The following RORA variants were observed in gnomAD, a reference collection of about 807,000 sequenced individuals.
RORA encodes nuclear receptor ROR-alpha.
A neutral mutation model predicts 69.5 loss-of-function variants in RORA; 7 were observed. That is an observed-to-expected ratio of 0.10 (90% CI 0.06 to 0.19). The LOEUF (loss-of-function observed/expected upper bound fraction) is 0.19. Ranked by LOEUF, RORA falls within the 10% of genes least tolerant of loss-of-function variation. The probability of loss-of-function intolerance (pLI) is 1.00; values close to 1 mark genes in which losing one functional copy is unlikely to be tolerated. For missense variants in RORA, 457 were observed against 663.0 expected (o/e 0.69, Z 3.41); for synonymous variants, 261 against 240.8 (o/e 1.08, Z -0.78).
intron 1 of RORA, among the ~76,000 whole-genome samples, chr15:60,823,441 C>T (rs1286266178): frequency 1.3e-5 from 2 of 152,146 alleles, no homozygotes; most frequent in African/African-American, 4.8e-5. Flanking sequence ...ATTTTATATC[C>T]TTTGCCTCCT....
chr15:61,146,356 G>GC (rs895929629), intron 1 of RORA, among the ~76,000 whole-genome samples: 3 of 151,804 alleles, frequency 2.0e-5, no homozygotes, highest in African/African-American at 4.8e-5. Flanking sequence ...TTTCAGAAGT[G>GC]CCCCCCACCA....
chr15:60,582,520 A>AT (rs1173107933), intron 2 of RORA, among the ~76,000 whole-genome samples: 1 of 152,208 alleles, frequency 6.6e-6, no homozygotes, highest in Non-Finnish European at 1.5e-5. Flanking sequence ...ACAATAACCC[A>AT]TATCTTCATC....
At chr15:61,078,835 T>C (rs1335003969) in intron 1 of RORA, among the ~76,000 whole-genome samples, 8 of 152,226 alleles carry the variant, frequency 5.3e-5, no homozygotes, top group African/African-American at 1.7e-4. Context: ...ACCTATCTCA[T>C]GGAATCAGGG....
At chr15:60,777,744 T>TAACC (rs1469619079) in intron 1 of RORA, among the ~76,000 whole-genome samples, 1 of 152,128 alleles carries the variant, frequency 6.6e-6, no homozygotes, top group Non-Finnish European at 1.5e-5. Context: ...TCACCTCTAG[T>TAACC]AACCACTTTG....
At chr15:60,615,779 T>A (rs2140602242) in intron 2 of RORA, among the ~76,000 whole-genome samples, 1 of 152,330 alleles carries the variant, frequency 6.6e-6, no homozygotes, top group South Asian at 2.1e-4. Context: ...AGTCCTTTTG[T>A]TAATGAGCAA....
chr15:60,545,462 G>A (rs1312730118), intron 2 of RORA, among the ~76,000 whole-genome samples: 1 of 152,142 alleles, frequency 6.6e-6, no homozygotes, highest in Non-Finnish European at 1.5e-5. Context: ...CTTGTTCTTG[G>A]AATCAGCTTT....
intron 1 of RORA, among the ~76,000 whole-genome samples, chr15:60,721,021 T>G (rs1351242741): frequency 6.6e-6 from 1 of 152,196 alleles, no homozygotes; most frequent in Non-Finnish European, 1.5e-5. Context: ...CTGTTTTCCC[T>G]GCATCATCCA....
In RORA at chr15:61,119,082, G is replaced by GGC. The variant is rs1555412569; in HGVS notation, c.166+109970_166+109971insGC. On this transcript the variant is annotated intron_variant, in intron 1 of 10. Transcript: ENST00000335670. ...AGTCGGGAAGATGCAGTTAACAGAA[G>GGC]GGGGGGGGGGGCGCCATGGAGCAGT... Among the ~76,000 whole-genome samples the GGC allele has an allele frequency of 5.3e-5, 7 of 130,878 alleles. No individual in the cohort carries two copies. In the East Asian group the frequency reaches 7.5e-4, roughly 14 times the overall value. The allele number at this position is 130,878 out of a possible 152,430, so 85.9% of individuals were successfully genotyped here.
chr15:60,598,716 T>C (rs2140548260), intron 2 of RORA, among the ~76,000 whole-genome samples: 1 of 152,354 alleles, frequency 6.6e-6, no homozygotes, highest in East Asian at 1.9e-4. Flanking sequence ...ATGCAGATTT[T>C]TTACTACAAG....
intron 1 of RORA, among the ~76,000 whole-genome samples, chr15:60,951,538 G>A (rs1264724394): frequency 7.3e-5 from 11 of 150,412 alleles, no homozygotes; most frequent in African/African-American, 9.8e-5. Context: ...TTGATAGACC[G>A]CTAGCAAGAC....
chr15:60,590,948 A>G (rs780656709), intron 2 of RORA, among the ~76,000 whole-genome samples: 6 of 152,216 alleles, frequency 3.9e-5, no homozygotes, highest in Non-Finnish European at 8.8e-5. Context: ...CTTAACGTCC[A>G]GTACGTTTCG....
At chr15:61,171,614 C>A (rs2079585836) in intron 1 of RORA, among the ~76,000 whole-genome samples, 1 of 152,192 alleles carries the variant, frequency 6.6e-6, no homozygotes. Context: ...GCTGCTAGCC[C>A]TACTTGACTA....
At position 60,496,818 on chromosome 15, in the gene RORA, G is replaced by A. The variant is rs559041496; in HGVS notation, c.*637C>T. 2.0e-5 allele frequency: 3 copies of A among 152,208 alleles called. No individual in the cohort carries two copies. Among genetic ancestry groups the A allele is most frequent in the African/African-American group, 7.2e-5 (3 of 41,540 alleles). 9.4% of individuals were successfully genotyped at this position (152,208 alleles called of 1,614,324 possible). On this transcript the variant is annotated 3_prime_UTR_variant, in exon 11 of 11. Transcript: ENST00000335670. The surrounding 1 kb of genome is among the most constrained non-coding windows in gnomAD (Gnocchi z 4.5). The stretch of plus-strand genomic sequence containing the variant: ...ATGAAAGTGCCTTATCAATTCAACA[G>A]GAAAAGCTACACCAGTAACTACATT...
intron 1 of RORA, among the ~76,000 whole-genome samples, chr15:61,210,078 G>C (rs1369610315): frequency 6.6e-6 from 1 of 152,204 alleles, no homozygotes; most frequent in South Asian, 2.1e-4. Flanking sequence ...GGGCCAGTTG[G>C]ACAGATGCTC....
intron 1 of RORA, among the ~76,000 whole-genome samples, chr15:61,059,217 G>A (rs144438448): frequency 4.1e-4 from 63 of 152,316 alleles, no homozygotes; most frequent in African/African-American, 1.4e-3. Flanking sequence ...AGCCTCAGGG[G>A]ATGCCCCTAT....
chr15:60,578,765 C>CTTTT (rs768047660), intron 2 of RORA, among the ~76,000 whole-genome samples: 1 of 138,890 alleles, frequency 7.2e-6, no homozygotes, highest in African/African-American at 2.6e-5. Flanking sequence ...TTAAATGAAA[C>CTTTT]TTTTTTTTTT....
intron 1 of RORA, among the ~76,000 whole-genome samples, chr15:61,156,212 G>T (rs1230273219): frequency 3.3e-5 from 5 of 152,018 alleles, no homozygotes; most frequent in African/African-American, 1.2e-4. Flanking sequence ...AAAACAAGGG[G>T]GGAAAAGTTT....
chr15:60,509,531 A>T (rs2065623746), intron 5 of RORA, among the ~76,000 whole-genome samples: 1 of 152,208 alleles, frequency 6.6e-6, no homozygotes. Context: ...CCAAAGTGCC[A>T]TGTTCAAGGG....
At chr15:60,836,017 A>G (rs991217848) in intron 1 of RORA, among the ~76,000 whole-genome samples, 2 of 152,166 alleles carry the variant, frequency 1.3e-5, no homozygotes, top group Non-Finnish European at 2.9e-5. Context: ...TACTTACTTC[A>G]TTACACTGAC....
Sources: gnomAD v4.1 joint callset for allele counts (sites outside exome capture counted in the v4.1 genomes callset) on GRCh38, gnomAD v4.1.1 for gene constraint, Gnocchi (gnomAD v3.1) non-coding constraint, MANE v1.5 for transcripts, NCBI Gene and HGNC (gene_info 2026-07-23, HGNC 2026-07-21) for gene names.